The following SEMA3A variants were observed in gnomAD, a reference collection of about 807,000 sequenced individuals.
SEMA3A encodes the protein semaphorin 3A, also known as semaphorin-3A.
SEMA3A carries 29 observed loss-of-function variants against 97.9 expected under a neutral mutation model. The ratio of observed to expected loss-of-function variants is 0.30; its 90% CI spans 0.22 to 0.40. The LOEUF is 0.40. SEMA3A is among the 10% of genes least tolerant of loss of function. SEMA3A has a pLI of 1.00. For missense variants in SEMA3A, 763 were observed against 951.3 expected (o/e 0.80, Z 2.60); for synonymous variants, 321 against 323.7 (o/e 0.99, Z 0.09).
chr7:84,052,621 G>C (rs1792732809), intron 5 of SEMA3A, among the ~76,000 whole-genome samples: 1 of 151,776 alleles, frequency 6.6e-6, no homozygotes, highest in African/African-American at 2.4e-5. Context: ...TATTAGTCTT[G>C]CTAGCGGCCT....
intron 6 of SEMA3A, among the ~76,000 whole-genome samples, chr7:84,022,857 C>A (rs1043378823): frequency 5.3e-5 from 8 of 152,226 alleles, no homozygotes; most frequent in African/African-American, 1.9e-4. Context: ...GGCCATTTTG[C>A]AATGTCCTCA....
chr7:83,997,383 T>A (rs920884472), intron 12 of SEMA3A, among the ~76,000 whole-genome samples: 7 of 152,210 alleles, frequency 4.6e-5, no homozygotes, highest in Non-Finnish European at 1.0e-4. Context: ...ATGGCTTTAA[T>A]GTGTTGTGGG....
At chr7:84,025,867 A>G (rs1791526417) in intron 6 of SEMA3A, among the ~76,000 whole-genome samples, 2 of 152,216 alleles carry the variant, frequency 1.3e-5, no homozygotes, top group Non-Finnish European at 2.9e-5. Flanking sequence ...AGGGCATAAC[A>G]AGAGCCGAGT....
intron 3 of SEMA3A, among the ~76,000 whole-genome samples, chr7:84,250,406 G>A (rs541065212): frequency 2.0e-5 from 3 of 152,172 alleles, no homozygotes; most frequent in African/African-American, 7.2e-5. Flanking sequence ...TGACTTTGAC[G>A]ATCTCAGTCC....
intron 12 of SEMA3A, among the ~76,000 whole-genome samples, chr7:83,999,336 A>G (rs1217532126): frequency 6.6e-6 from 1 of 152,162 alleles, no homozygotes; most frequent in Non-Finnish European, 1.5e-5. Flanking sequence ...GATGTGAAAT[A>G]TAAACTTAAA....
chr7:84,424,449 T>C (rs1804689087), intron 1 of SEMA3A, among the ~76,000 whole-genome samples: 1 of 124,546 alleles, frequency 8.0e-6, no homozygotes. Context: ...TAATATATAA[T>C]ATAATAATAC....
chr7:83,995,282 C>G (rs529503052), intron 12 of SEMA3A, among the ~76,000 whole-genome samples: 4 of 152,134 alleles, frequency 2.6e-5, no homozygotes, highest in African/African-American at 7.2e-5. Context: ...TCTTCTGCGT[C>G]GCTCACTCTG....
At position 84,121,834 on chromosome 7, in the gene SEMA3A, T is replaced by C. The variant is rs1795625932; in HGVS notation, c.333+7289A>G. ...TTTTGTATTTTTAGTAGAGACGGGG[T>C]TTCACCGTTTTAGCCGGGATGGTCT... is the stretch of plus-strand genomic sequence containing the variant. On this transcript the variant is annotated intron_variant, in intron 3 of 16. Transcript: ENST00000265362. Among the ~76,000 whole-genome samples, 2 of 44,946 alleles carry C rather than the reference T, an allele frequency of 4.4e-5. 1 individual carries two copies. The highest frequency in any genetic ancestry group is 1.7e-4 in the African/African-American group (2 of 11,650). The allele number at this position is 44,946 out of a possible 152,430, so 29.5% of individuals were successfully genotyped here.
chr7:83,969,974 TAGAA>T (rs1379872337), intron 15 of SEMA3A, among the ~76,000 whole-genome samples: 5 of 152,158 alleles, frequency 3.3e-5, no homozygotes, highest in African/African-American at 9.6e-5. Context: ...ATTTCACACT[TAGAA>T]AGCAACTGTT....
At chr7:84,348,467 A>AATT (rs1230269615) in intron 2 of SEMA3A, among the ~76,000 whole-genome samples, 2 of 152,166 alleles carry the variant, frequency 1.3e-5, no homozygotes, top group African/African-American at 4.8e-5. Context: ...TAAAATTTAT[A>AATT]ATTATCTTTT....
intron 1 of SEMA3A, among the ~76,000 whole-genome samples, chr7:84,429,701 G>A (rs1804927565): frequency 6.6e-6 from 1 of 150,502 alleles, no homozygotes; most frequent in African/African-American, 2.4e-5. Context: ...GGTAGGAGAG[G>A]ATAGAGGGCA....
At chr7:84,190,772 T>A (rs1269856279) in intron 1 of SEMA3A, among the ~76,000 whole-genome samples, 1 of 149,116 alleles carries the variant, frequency 6.7e-6, no homozygotes, top group Non-Finnish European at 1.5e-5. Context: ...AATATCAATG[T>A]CATTTTAAAC....
rs377458617 is a variant in SEMA3A, at chr7:84,208,312, T to C, written c.-82-13644A>G. The stretch of plus-strand genomic sequence containing the variant: ...CTAAAAATACAAAAAATTAGCTGGG[T>C]GTGGTGGCGGGCGCCTGTAATCCCA... On this transcript the variant is annotated intron_variant, in intron 3 of 3. Transcript: ENST00000424555. Among the ~76,000 whole-genome samples, 252 of 151,226 alleles carry C rather than the reference T, an allele frequency of 1.7e-3. 7 individuals are homozygous for C. The South Asian group carries it at 0.043, about 26-fold the overall frequency.
chr7:84,135,474 C>A (rs960829239), intron 1 of SEMA3A, among the ~76,000 whole-genome samples: 3 of 151,768 alleles, frequency 2.0e-5, no homozygotes, highest in African/African-American at 7.3e-5. Flanking sequence ...ATGGTGCAGT[C>A]CTAAAGAAGA....
intron 4 of SEMA3A, among the ~76,000 whole-genome samples, chr7:84,100,576 T>C (rs1456183313): frequency 6.6e-6 from 1 of 152,186 alleles, no homozygotes; most frequent in Non-Finnish European, 1.5e-5. Flanking sequence ...GTATGATTTG[T>C]ATTATTGCAG....
At chr7:84,219,563 C>T (rs1236245555) in intron 3 of SEMA3A, among the ~76,000 whole-genome samples, 2 of 152,152 alleles carry the variant, frequency 1.3e-5, no homozygotes, top group Non-Finnish European at 2.9e-5. Flanking sequence ...TGTTTCCCAG[C>T]ACATATAAAA....
chr7:84,173,523 C>T (rs1488843586), intron 1 of SEMA3A, among the ~76,000 whole-genome samples: 2 of 140,590 alleles, frequency 1.4e-5, no homozygotes, highest in Non-Finnish European at 3.0e-5. Flanking sequence ...CACGCCACTG[C>T]ACTCCAGCCT....
chr7:83,956,821 G>A lies in SEMA3A; in HGVS notation c.*4550C>T, dbSNP rs1246911026. The A allele has an allele frequency of 6.6e-6, 1 of 151,756 alleles. No homozygotes were observed. The highest frequency in any genetic ancestry group is 1.5e-5 in the Non-Finnish European group (1 of 67,924). The allele number at this position is 151,756 out of a possible 1,614,324, so 9.4% of individuals were successfully genotyped here. ...TTTCTTCTACTCAGATTGCCATTTT[G>A]TTTCTTCATCTAGGCATATCTGACT... On this transcript the variant is annotated 3_prime_UTR_variant, in exon 17 of 17. Transcript: ENST00000265362.
intron 1 of SEMA3A, among the ~76,000 whole-genome samples, chr7:84,397,593 G>T (rs552257669): frequency 6.6e-6 from 1 of 151,494 alleles, no homozygotes; most frequent in South Asian, 2.1e-4. Context: ...ACAAGTGCAG[G>T]TTTGTTAACC....
Sources: gnomAD v4.1 joint callset for allele counts (sites outside exome capture counted in the v4.1 genomes callset) on GRCh38, gnomAD v4.1.1 for gene constraint, MANE v1.5 for transcripts, NCBI Gene and HGNC (gene_info 2026-07-23, HGNC 2026-07-21) for gene names.